Variants in NPM2 observed in about 807,000 individuals in gnomAD.
NPM2 encodes the protein nucleophosmin/nucleoplasmin 2, also known as nucleoplasmin-2.
A neutral mutation model predicts 32.0 loss-of-function variants in NPM2; 25 were observed. The observed-to-expected ratio is 0.78, with a 90% CI of 0.57 to 1.09. NPM2 has a LOEUF of 1.09. NPM2 is among the 50% of genes least tolerant of loss of function. NPM2 has a pLI of 0.00. For synonymous variants in NPM2, 111 were observed against 94.2 expected, an observed-to-expected ratio of 1.18 and a Z score of -1.04; for missense variants, 282 against 259.9, an observed-to-expected ratio of 1.08 and a Z score of -0.58.
chr8:22,031,499 G>A (rs187947757), intron 5 of NPM2, among the ~76,000 whole-genome samples: 28 of 152,300 alleles, frequency 1.8e-4, no homozygotes, highest in Admixed American at 6.5e-4. Flanking sequence ...AGGCTGGCAC[G>A]CAGTGGCGCA....
Position 22,025,274 on chromosome 8 carries a change from C to T in NPM2, c.26C>T (p.Thr9Met). ...ATGAATCTCAGTAGCGCCAGTAGCA[C>T]GGAGGAAAAGGCAGTGACGACCGTG... MNLSSASS[T>M]EEKAVTTVLW... The change falls in exon 3 of 10, where the codon ACG becomes ATG. Residue 9 changes from threonine (T) to methionine (M), a missense_variant. Coordinates refer to ENST00000518119, the MANE Select transcript of NPM2 (RefSeq NM_001286680.2). 1 of 1,611,408 alleles carries T rather than the reference C, an allele frequency of 6.2e-7. No homozygotes were observed. Among genetic ancestry groups the T allele is most frequent in the Non-Finnish European group, 8.5e-7 (1 of 1,179,214 alleles).
At chr8:22,027,023 G>A (rs780923041) in intron 5 of NPM2, among the ~76,000 whole-genome samples, 7 of 152,172 alleles carry the variant, frequency 4.6e-5, no homozygotes, top group Admixed American at 2.0e-4. Context: ...TTTAGTCCAC[G>A]TGGTAAATTA....
chr8:22,035,959 G>C (rs1280413859), intron 8 of NPM2, among the ~76,000 whole-genome samples: 1 of 147,784 alleles, frequency 6.8e-6, no homozygotes, highest in Non-Finnish European at 1.5e-5. Flanking sequence ...GTTTGACCAA[G>C]AAAAAAATAA....
At chr8:22,028,651 G>A (rs1239321768) in intron 5 of NPM2, among the ~76,000 whole-genome samples, 1 of 152,040 alleles carries the variant, frequency 6.6e-6, no homozygotes, top group Non-Finnish European at 1.5e-5. Flanking sequence ...TTTAAACACA[G>A]GTTAGATCAT....
chr8:22,032,734 GTC>G (rs1800479527), intron 5 of NPM2, among the ~76,000 whole-genome samples: 1 of 152,050 alleles, frequency 6.6e-6, no homozygotes, highest in African/African-American at 2.4e-5. Context: ...GTTCTCTAGT[GTC>G]TCTTTTTGTA....
chr8:22,025,578 C>A lies in NPM2; in HGVS notation c.144+57C>A, dbSNP rs373093265. On this transcript the variant is annotated intron_variant, in intron 4 of 9. Coordinates refer to ENST00000518119, the MANE Select transcript of NPM2 (RefSeq NM_001286680.2). ...GTGTCCGGGAACTTTCTGGTCCCAA[C>A]GGAGGGCTATGGATTTCTCCCGTCG... 42 of 1,613,330 alleles carry A rather than the reference C, an allele frequency of 2.6e-5. No homozygotes were observed. The African/African-American group carries it at 5.2e-4, about 20-fold the overall frequency.
intron 5 of NPM2, among the ~76,000 whole-genome samples, chr8:22,032,394 G>A (rs909059959): frequency 3.3e-5 from 5 of 152,192 alleles, no homozygotes; most frequent in Admixed American, 1.3e-4. Flanking sequence ...TTTCACGCTC[G>A]TGTGTAAGGT....
chr8:22,035,579 A>G (rs1800591982), intron 8 of NPM2, among the ~76,000 whole-genome samples: 1 of 152,192 alleles, frequency 6.6e-6, no homozygotes, highest in Admixed American at 6.5e-5. Flanking sequence ...TGATAAGAAT[A>G]TTGATAGTTC....
In NPM2 at chr8:22,025,681, A is replaced by G; in HGVS notation, c.179A>G (p.His60Arg). The change falls in exon 5 of 10, where the codon CAT becomes CGT. Residue 60 changes from histidine (H) to arginine (R), a missense_variant. Coordinates refer to ENST00000518119, the MANE Select transcript of NPM2 (RefSeq NM_001286680.2). Reference sequence around the variant, plus strand: ...GGGGAGAAAGCCAAAGAGGAGATGCATCGCGTGGAGATCCTGCCCCCAGCA... The same window carrying G: ...GGGGAGAAAGCCAAAGAGGAGATGCGTCGCGTGGAGATCCTGCCCCCAGCA... The part of the protein sequence containing the change: ...CLGEKAKEEM[H>R]RVEILPPANQ... The G allele has an allele frequency of 6.2e-7, 1 of 1,614,192 alleles. No individual in the cohort carries two copies. The highest frequency in any genetic ancestry group is 8.5e-7 in the Non-Finnish European group (1 of 1,180,024).
chr8:22,033,474 T>C (rs1468920869), intron 6 of NPM2, among the ~76,000 whole-genome samples: 1 of 152,118 alleles, frequency 6.6e-6, no homozygotes, highest in East Asian at 1.9e-4. Flanking sequence ...GAAGAATAAA[T>C]GGGATATTCA....
chr8:22,036,749 G>T lies in NPM2; in HGVS notation c.*67G>T. 6.8e-7 allele frequency: 1 copy of T among 1,460,372 alleles called. No homozygotes were observed. The allele number at this position is 1,460,372 out of a possible 1,614,324, so 90.5% of individuals were successfully genotyped here. A position where few individuals can be genotyped will look rare whatever the true frequency, so the allele number is the denominator to read the frequency against. ...CTGGGCTGTGCTGCAGGCACAGGGT[G>T]CCCCTGTCCAGCCCCTCCACCTGTG... On this transcript the variant is annotated 3_prime_UTR_variant, in exon 10 of 10. Coordinates refer to ENST00000518119, the MANE Select transcript of NPM2 (RefSeq NM_001286680.2).
rs1328763381 is a variant in NPM2, at chr8:22,025,007, G to T, written c.-34+177G>T. ...CCTCTCCCGTGAGTCCCGCTGTCCT[G>T]TACGCGCCCGGTCGAGCCCCGGGCT... is the stretch of plus-strand genomic sequence containing the variant. On this transcript the variant is annotated intron_variant, in intron 2 of 9. Coordinates refer to ENST00000518119, the MANE Select transcript of NPM2 (RefSeq NM_001286680.2). The T allele has an allele frequency of 3.0e-5, 16 of 540,702 alleles. No homozygotes were observed. In the South Asian group the frequency reaches 3.5e-4, roughly 12 times the overall value. The allele number at this position is 540,702 out of a possible 1,614,324, so 33.5% of individuals were successfully genotyped here.
rs1298001892 is a variant in NPM2 at position 22,025,207 on chromosome 8, TC to T, written c.-33-7del. ...GGAGCAAGGCCTCACGCGGGCGCCC[TC>T]CTTGCAGCTGCCCGGCCAGCCCGCT... On this transcript the variant is annotated splice_polypyrimidine_tract_variant and splice_region_variant and intron_variant, in intron 2 of 9. Coordinates refer to ENST00000518119, the MANE Select transcript of NPM2 (RefSeq NM_001286680.2). The T allele has an allele frequency of 6.3e-7, 1 of 1,599,494 alleles. No homozygotes were observed. Among genetic ancestry groups the T allele is most frequent in the Non-Finnish European group, 8.5e-7 (1 of 1,175,446 alleles).
At chr8:22,029,067 T>C (rs1800350786) in intron 5 of NPM2, among the ~76,000 whole-genome samples, 2 of 152,244 alleles carry the variant, frequency 1.3e-5, no homozygotes, top group African/African-American at 4.8e-5. Context: ...TTAACAATCA[T>C]ACATTACTCA....
rs111286527 is a variant in NPM2, at chr8:22,033,674, A to G, written c.365-435A>G. 1.0e-2 allele frequency among the ~76,000 whole-genome samples: 1,517 copies of G among 152,090 alleles called. 19 individuals carry two copies. Among genetic ancestry groups the G allele is most frequent in the South Asian group, 0.03 (144 of 4,810 alleles). On this transcript the variant is annotated intron_variant, in intron 6 of 9. Coordinates refer to ENST00000518119, the MANE Select transcript of NPM2 (RefSeq NM_001286680.2). The stretch of plus-strand genomic sequence containing the variant: ...ATGATTATGCCTCATTCATCAGGGT[A>G]CTCTCCTGCTAAAAAGCCTTGGCAG...
chr8:22,028,714 G>C (rs1473199554), intron 5 of NPM2, among the ~76,000 whole-genome samples: 1 of 152,166 alleles, frequency 6.6e-6, no homozygotes, highest in Non-Finnish European at 1.5e-5. Context: ...TTTGGAATAA[G>C]AGCCGAGAGT....
chr8:22,029,996 C>T (rs181556990), intron 5 of NPM2, among the ~76,000 whole-genome samples: 2 of 152,122 alleles, frequency 1.3e-5, no homozygotes, highest in African/African-American at 2.4e-5. Flanking sequence ...TGTCTTTGAT[C>T]AATTCTGGAA....
chr8:22,032,787 C>T (rs924868159), intron 5 of NPM2, among the ~76,000 whole-genome samples: 31 of 152,152 alleles, frequency 2.0e-4, no homozygotes, highest in African/African-American at 7.2e-4. Flanking sequence ...CCTCATGACC[C>T]CAAACCTAAT....
chr8:22,034,606 G>C (rs1411438942), intron 8 of NPM2, 62 bp downstream of exon 8: 2 of 1,345,760 alleles, frequency 1.5e-6, no homozygotes, highest in African/African-American at 2.9e-5. Flanking sequence ...GTGTTAGAAA[G>C]AATACTGTGC....
Sources: gnomAD v4.1 joint callset for allele counts (sites outside exome capture counted in the v4.1 genomes callset) on GRCh38, gnomAD v4.1.1 for gene constraint, MANE v1.5 for transcripts, NCBI Gene and HGNC (gene_info 2026-07-23, HGNC 2026-07-21) for gene names.